The following CSMD2 variants were observed in gnomAD, a reference collection of about 807,000 sequenced individuals.
The protein encoded by CSMD2 is CUB and Sushi multiple domains 2, also known as CUB and sushi domain-containing protein 2.
CSMD2 carries 130 observed loss-of-function variants against 398.5 expected under a neutral mutation model. That is an observed-to-expected ratio of 0.33 (90% CI 0.28 to 0.38). The LOEUF (loss-of-function observed/expected upper bound fraction) is 0.38, where lower values mean the gene tolerates loss of function less well. CSMD2 is among the 10% of genes least tolerant of loss of function. The probability of loss-of-function intolerance (pLI) is 1.00; values close to 1 mark genes in which losing one functional copy is unlikely to be tolerated. For synonymous variants in CSMD2, 1,828 were observed against 1,908.5 expected, an observed-to-expected ratio of 0.96 and a Z score of 1.10; for missense variants, 3,829 against 4,764.9, an observed-to-expected ratio of 0.80 and a Z score of 5.78.
At chr1:33,755,918 TTTC>T (rs2149286189) in intron 13 of CSMD2, among the ~76,000 whole-genome samples, 1 of 152,160 alleles carries the variant, frequency 6.6e-6, no homozygotes, top group African/African-American at 2.4e-5. Context: ...AGTTTTTGTG[TTTC>T]TTTTTTTTCT....
At chr1:34,089,266 T>C in intron 1 of CSMD2, 73 bp from the exon 2 acceptor site, 1 of 1,399,930 alleles carries the variant, frequency 7.1e-7, no homozygotes, top group South Asian at 1.2e-5. Flanking sequence ...TCAGGAGCAA[T>C]GTGTTAGCAA....
At chr1:34,121,700 T>G (rs1053787524) in intron 1 of CSMD2, among the ~76,000 whole-genome samples, 2 of 152,118 alleles carry the variant, frequency 1.3e-5, no homozygotes, top group African/African-American at 4.8e-5. Flanking sequence ...TAAATTAAAT[T>G]AATTAAAATT....
chr1:33,964,814 C>T (rs1310441523), intron 3 of CSMD2, among the ~76,000 whole-genome samples: 1 of 152,182 alleles, frequency 6.6e-6, no homozygotes, highest in Non-Finnish European at 1.5e-5. Flanking sequence ...GGCTTTATAT[C>T]CTGACTCTCC....
intron 5 of CSMD2, among the ~76,000 whole-genome samples, chr1:33,853,614 T>A (rs1638866095): frequency 6.7e-6 from 1 of 148,624 alleles, no homozygotes; most frequent in African/African-American, 2.5e-5. Flanking sequence ...AGTGCAAGAC[T>A]CAGCTGATAG....
intron 15 of CSMD2, 103 bp from the exon 16 acceptor site, chr1:33,726,788 GT>G: frequency 7.8e-7 from 1 of 1,286,356 alleles, no homozygotes; most frequent in Non-Finnish European, 1.0e-6. Flanking sequence ...TATAGTTTTT[GT>G]TTTTATGGAA....
At chr1:33,650,005 C>T (rs1159097400) in intron 28 of CSMD2, among the ~76,000 whole-genome samples, 3 of 152,168 alleles carry the variant, frequency 2.0e-5, no homozygotes, top group Non-Finnish European at 2.9e-5. Flanking sequence ...CTGGGTGACA[C>T]GGTCTTCTTG....
intron 39 of CSMD2, among the ~76,000 whole-genome samples, chr1:33,615,763 C>G (rs138518273): frequency 1.3e-5 from 2 of 152,180 alleles, no homozygotes; most frequent in Admixed American, 1.3e-4. Flanking sequence ...TTGGGCTGAC[C>G]GTTCACATTT....
At chr1:34,105,669 T>C (rs11578858) in intron 1 of CSMD2, among the ~76,000 whole-genome samples, 29,922 of 152,086 alleles carry the variant, frequency 0.2, 3,141 homozygotes, top group South Asian at 0.36. Flanking sequence ...ATCAGCTAGA[T>C]TGAAATATAG....
At chr1:34,115,665 T>C (rs971964329) in intron 1 of CSMD2, among the ~76,000 whole-genome samples, 5 of 152,126 alleles carry the variant, frequency 3.3e-5, no homozygotes, top group South Asian at 2.1e-4. Flanking sequence ...AATAAATATA[T>C]AGACAAATAG....
chr1:33,971,065 C>G (rs951779939), intron 3 of CSMD2, among the ~76,000 whole-genome samples: 4 of 152,076 alleles, frequency 2.6e-5, no homozygotes, highest in African/African-American at 9.7e-5. Flanking sequence ...ATGATCATTA[C>G]TAGAACCATT....
chr1:33,526,260 G>A (rs1051258440), intron 65 of CSMD2, among the ~76,000 whole-genome samples: 6 of 152,182 alleles, frequency 3.9e-5, no homozygotes, highest in Admixed American at 3.9e-4. Context: ...AGAGAAAACT[G>A]ACATGTCAGT....
chr1:34,134,052 CAAAAAA>C (rs59062675), intron 1 of CSMD2, among the ~76,000 whole-genome samples: 14 of 85,228 alleles, frequency 1.6e-4, no homozygotes, highest in Admixed American at 1.2e-4. Flanking sequence ...GACTCTGTCT[CAAAAAA>C]AAAAAAAAAA....
intron 3 of CSMD2, among the ~76,000 whole-genome samples, chr1:33,937,761 T>C (rs1644523947): frequency 6.6e-6 from 1 of 152,214 alleles, no homozygotes; most frequent in Admixed American, 6.5e-5. Context: ...CCTTAGTTTC[T>C]TCAAATGAGA....
At chr1:34,023,373 C>T (rs1167962428) in intron 3 of CSMD2, among the ~76,000 whole-genome samples, 1 of 152,182 alleles carries the variant, frequency 6.6e-6, no homozygotes, top group Non-Finnish European at 1.5e-5. Flanking sequence ...AGCCTATACG[C>T]TATCCACTGA....
rs1370681986 is a variant in CSMD2 at position 34,164,364 on chromosome 1, C to A, written c.187+547G>T. On this transcript the variant is annotated intron_variant, in intron 1 of 70. Transcript: ENST00000373381. This position sits in a 1 kb window ranked among gnomAD's most constrained non-coding sequence, Gnocchi z 6.2. ...GGGTAGCATTTGAGGAGGGGGATGG[C>A]GGCCGCAGTCTGCAGTCGGTTCCAG... Among the ~76,000 whole-genome samples the A allele has an allele frequency of 6.6e-6, 1 of 152,050 alleles. No homozygotes were observed. Among genetic ancestry groups the A allele is most frequent in the East Asian group, 1.9e-4 (1 of 5,158 alleles).
chr1:33,581,354 TAAAAAAAAA>T (rs35599517), intron 47 of CSMD2, among the ~76,000 whole-genome samples: 21 of 84,222 alleles, frequency 2.5e-4, no homozygotes, highest in East Asian at 3.7e-4. Context: ...CCATCTTTAC[TAAAAAAAAA>T]AAAAAAAAAA....
chr1:33,613,029 T>G (rs1641131864), intron 40 of CSMD2, among the ~76,000 whole-genome samples: 1 of 152,202 alleles, frequency 6.6e-6, no homozygotes, highest in African/African-American at 2.4e-5. Context: ...AATTTCTGAC[T>G]TGAACTCCAA....
chr1:33,937,369 G>C (rs1332445070), intron 3 of CSMD2, among the ~76,000 whole-genome samples: 4 of 152,166 alleles, frequency 2.6e-5, no homozygotes, highest in Admixed American at 1.3e-4. Context: ...AAGCAAAAAA[G>C]AGCAAACAGC....
intron 1 of CSMD2, among the ~76,000 whole-genome samples, chr1:34,144,751 T>C (rs1479509467): frequency 6.6e-6 from 1 of 151,976 alleles, no homozygotes; most frequent in Non-Finnish European, 1.5e-5. Flanking sequence ...GTGTTGAGGG[T>C]GTAGAGGAGA....
Sources: allele counts gnomAD v4.1 joint callset (sites outside exome capture counted in the v4.1 genomes callset), GRCh38; gene constraint gnomAD v4.1.1; non-coding constraint Gnocchi (gnomAD v3.1); transcripts MANE v1.5; gene names NCBI Gene and HGNC (gene_info 2026-07-23, HGNC 2026-07-21).